Variants in LSAMP observed in about 807,000 individuals in gnomAD.
LSAMP encodes the protein limbic system associated membrane protein, also known as limbic system-associated membrane protein.
In LSAMP, 7 loss-of-function variants were observed where a neutral mutation model predicts 38.6. That is an observed-to-expected ratio of 0.18 (90% CI 0.10 to 0.34). The LOEUF is 0.34. Among genes scored for constraint, LSAMP ranks in the 10% least tolerant of loss-of-function variants. The probability of loss-of-function intolerance (pLI) is 1.00; values close to 1 mark genes in which losing one functional copy is unlikely to be tolerated. For missense variants in LSAMP, 313 were observed against 420.0 expected (o/e 0.75, Z 2.23); for synonymous variants, 154 against 166.8 (o/e 0.92, Z 0.59).
At chr3:115,852,355 G>T in intron 4 of LSAMP, 128 bp downstream of exon 4, 2 of 1,100,528 alleles carry the variant, frequency 1.8e-6, no homozygotes, top group Non-Finnish European at 1.3e-6. Flanking sequence ...ATGTATAAAT[G>T]TGCATTCCTG....
At chr3:115,993,066 A>G (rs952774458) in intron 3 of LSAMP, among the ~76,000 whole-genome samples, 58 of 152,140 alleles carry the variant, frequency 3.8e-4, no homozygotes, top group African/African-American at 1.2e-3. Context: ...AGTAGTTTTT[A>G]CTCTGTAAGC....
chr3:116,095,111 T>C (rs913769629), intron 1 of LSAMP, among the ~76,000 whole-genome samples: 3 of 152,210 alleles, frequency 2.0e-5, no homozygotes, highest in African/African-American at 4.8e-5. Flanking sequence ...CCACTAAACA[T>C]GTATTATTAC....
chr3:116,348,437 C>T (rs2048092470), intron 1 of LSAMP, among the ~76,000 whole-genome samples: 2 of 152,030 alleles, frequency 1.3e-5, no homozygotes, highest in African/African-American at 4.8e-5. Context: ...AACAAAGCAC[C>T]TGACATTCAA....
intron 1 of LSAMP, among the ~76,000 whole-genome samples, chr3:116,088,965 C>A (rs552158504): frequency 6.6e-6 from 1 of 152,270 alleles, no homozygotes; most frequent in Non-Finnish European, 1.5e-5. Context: ...CTATATTCCA[C>A]GTCCCCATCC....
intron 1 of LSAMP, among the ~76,000 whole-genome samples, chr3:116,115,267 G>A (rs1375653391): frequency 6.6e-6 from 1 of 152,220 alleles, no homozygotes; most frequent in Non-Finnish European, 1.5e-5. Context: ...TCTATTTTGT[G>A]CCAGCACAGC....
chr3:116,087,488 A>G (rs1333893049), intron 1 of LSAMP, among the ~76,000 whole-genome samples: 1 of 152,140 alleles, frequency 6.6e-6, no homozygotes, highest in Non-Finnish European at 1.5e-5. Flanking sequence ...AAACAAAAAC[A>G]AAAAAACCTT....
chr3:116,164,763 T>A (rs865888834), intron 1 of LSAMP, among the ~76,000 whole-genome samples: 28,266 of 119,464 alleles, frequency 0.24, 4,936 homozygotes, highest in Non-Finnish European at 0.29. Flanking sequence ...TATATATATT[T>A]TTTTTTTTTT....
chr3:115,871,447 C>A (rs937265585), intron 3 of LSAMP, among the ~76,000 whole-genome samples: 2 of 152,002 alleles, frequency 1.3e-5, no homozygotes, highest in Non-Finnish European at 2.9e-5. Flanking sequence ...CCCTTGAAGG[C>A]CTCAGGAAAG....
In LSAMP at chr3:115,977,226, A is replaced by T. The variant is rs534837565; in HGVS notation, c.514+42289T>A. On this transcript the variant is annotated intron_variant, in intron 3 of 6. Coordinates refer to ENST00000490035, the MANE Select transcript of LSAMP (RefSeq NM_002338.5). ...TGGCCCAGACTAGCATATTAAGACCAATGGATGAAAAGAAGATAGATTTAT... is the reference window on the plus strand; with the variant it reads ...TGGCCCAGACTAGCATATTAAGACCTATGGATGAAAAGAAGATAGATTTAT... Among the ~76,000 whole-genome samples the T allele has an allele frequency of 9.2e-5, 14 of 152,314 alleles. No homozygotes were observed. The South Asian group carries it at 2.9e-3, about 32-fold the overall frequency.
intron 2 of LSAMP, among the ~76,000 whole-genome samples, chr3:116,054,197 CT>C (rs1489201755): frequency 6.6e-6 from 1 of 152,184 alleles, no homozygotes; most frequent in African/African-American, 2.4e-5. Context: ...TCAATAATCT[CT>C]TTTTGATTTT....
intron 2 of LSAMP, among the ~76,000 whole-genome samples, chr3:116,066,536 T>C (rs1469974785): frequency 6.6e-6 from 1 of 152,198 alleles, no homozygotes; most frequent in Non-Finnish European, 1.5e-5. Context: ...CCCCATCCTC[T>C]TCACTCATTA....
rs139514113 is a variant in LSAMP at position 116,108,398 on chromosome 3, G to A, written c.156-21842C>T. On this transcript the variant is annotated intron_variant, in intron 1 of 6. Coordinates refer to ENST00000490035, the MANE Select transcript of LSAMP (RefSeq NM_002338.5). The stretch of plus-strand genomic sequence containing the variant: ...TTTTAAGAGGTTTAGAAGCCTGGCC[G>A]TCAATACCCACAACAGTTATGGAAG... Among the ~76,000 whole-genome samples, 978 of 152,178 alleles carry A rather than the reference G, an allele frequency of 6.4e-3. 12 individuals are homozygous for A. Among genetic ancestry groups the A allele is most frequent in the African/African-American group, 0.02 (836 of 41,524 alleles).
At chr3:116,383,431 A>C (rs1008849298) in intron 1 of LSAMP, among the ~76,000 whole-genome samples, 3 of 152,148 alleles carry the variant, frequency 2.0e-5, no homozygotes, top group African/African-American at 7.2e-5. Context: ...TAAAAGGGAA[A>C]TGTAGAATTC....
chr3:116,279,375 C>T (rs1481696031), intron 1 of LSAMP, among the ~76,000 whole-genome samples: 3 of 152,108 alleles, frequency 2.0e-5, no homozygotes, highest in African/African-American at 7.2e-5. Context: ...GATGGCATGC[C>T]CTGGCTACTA....
At chr3:116,148,669 A>G (rs1485578749) in intron 1 of LSAMP, among the ~76,000 whole-genome samples, 1 of 152,002 alleles carries the variant, frequency 6.6e-6, no homozygotes, top group Non-Finnish European at 1.5e-5. Context: ...ATGATAAGCC[A>G]TCCAACATCT....
rs1309611393 is a variant in LSAMP, at chr3:116,210,545, G to A, written c.156-123989C>T. ...GGCCTTTGGCCACAGACCGAAGGCT[G>A]CATCGTCGGCTTCCCTACTTTTGAG... On this transcript the variant is annotated intron_variant, in intron 1 of 6. Coordinates refer to ENST00000490035, the MANE Select transcript of LSAMP (RefSeq NM_002338.5). Among the ~76,000 whole-genome samples the A allele has an allele frequency of 2.0e-5, 3 of 152,180 alleles. No individual in the cohort carries two copies. The East Asian group carries it at 5.8e-4, about 29-fold the overall frequency.
At chr3:116,330,875 GA>G (rs2047842420) in intron 1 of LSAMP, among the ~76,000 whole-genome samples, 1 of 151,950 alleles carries the variant, frequency 6.6e-6, no homozygotes, top group Admixed American at 6.6e-5. Flanking sequence ...AGCATATAAA[GA>G]AAGAAGGTAG....
At chr3:116,428,890 A>G (rs986861798) in intron 1 of LSAMP, among the ~76,000 whole-genome samples, 34 of 152,218 alleles carry the variant, frequency 2.2e-4, no homozygotes, top group African/African-American at 7.7e-4. Flanking sequence ...TTTCAGCTTT[A>G]CAGACAGATA....
At chr3:116,255,125 G>A (rs1337067541) in intron 1 of LSAMP, among the ~76,000 whole-genome samples, 2 of 151,948 alleles carry the variant, frequency 1.3e-5, no homozygotes, top group East Asian at 1.9e-4. Context: ...TGTAGACAAG[G>A]CCCTCCTCTT....
Sources: gnomAD v4.1 joint callset for allele counts (sites outside exome capture counted in the v4.1 genomes callset) on GRCh38, gnomAD v4.1.1 for gene constraint, MANE v1.5 for transcripts, NCBI Gene and HGNC (gene_info 2026-07-23, HGNC 2026-07-21) for gene names.